The following DNM3 variants were observed in gnomAD, a reference collection of about 807,000 sequenced individuals.
The protein encoded by DNM3 is dynamin 3, also known as dynamin-3.
In DNM3, 47 loss-of-function variants were observed where a neutral mutation model predicts 101.6. The ratio of observed to expected loss-of-function variants is 0.46; its 90% CI spans 0.37 to 0.59. The LOEUF (loss-of-function observed/expected upper bound fraction) is 0.59, where lower values mean the gene tolerates loss of function less well. Ranked by LOEUF, DNM3 falls within the 20% of genes least tolerant of loss-of-function variation. The pLI is 0.00. For synonymous variants in DNM3, 385 were observed against 387.9 expected, an observed-to-expected ratio of 0.99 and a Z score of 0.09; for missense variants, 849 against 1,085.7, an observed-to-expected ratio of 0.78 and a Z score of 3.06.
intron 20 of DNM3, among the ~76,000 whole-genome samples, chr1:172,398,100 T>C (rs1490734676): frequency 6.6e-6 from 1 of 152,242 alleles, no homozygotes; most frequent in Non-Finnish European, 1.5e-5. Context: ...TAAAATGCAT[T>C]TTAAGGTGAA....
intron 17 of DNM3, among the ~76,000 whole-genome samples, chr1:172,365,923 A>G (rs1228516274): frequency 2.0e-5 from 3 of 151,962 alleles, no homozygotes; most frequent in East Asian, 1.9e-4. Flanking sequence ...TCAACCTTCA[A>G]TAGATATACA....
At chr1:172,092,946 T>C in intron 13 of DNM3, 71 bp downstream of exon 13, 1 of 1,360,942 alleles carries the variant, frequency 7.3e-7, no homozygotes, top group Non-Finnish European at 1.0e-6. Context: ...TGATTGACTA[T>C]TTTTTTAATG....
intron 14 of DNM3, among the ~76,000 whole-genome samples, chr1:172,155,614 G>T (rs2058307602): frequency 6.6e-6 from 1 of 151,926 alleles, no homozygotes; most frequent in Admixed American, 6.6e-5. Context: ...CCATTTTTCA[G>T]GTGAGATGTA....
chr1:171,957,546 T>A (rs1178542439), intron 2 of DNM3, among the ~76,000 whole-genome samples: 1 of 152,144 alleles, frequency 6.6e-6, no homozygotes, highest in Non-Finnish European at 1.5e-5. Flanking sequence ...TTTTCCAAAC[T>A]TTTATGCTCT....
At chr1:172,341,702 C>G (rs2066693651) in intron 17 of DNM3, among the ~76,000 whole-genome samples, 1 of 151,956 alleles carries the variant, frequency 6.6e-6, no homozygotes, top group Non-Finnish European at 1.5e-5. Flanking sequence ...AAATTGGGCC[C>G]CTTCTTTCAC....
intron 18 of DNM3, among the ~76,000 whole-genome samples, chr1:172,386,319 T>TA (rs957105552): frequency 2.0e-5 from 3 of 152,216 alleles, no homozygotes; most frequent in Admixed American, 6.5e-5. Context: ...ACTGGTGTCT[T>TA]AGAGTTGATG....
downstream of DNM3, among the ~76,000 whole-genome samples, chr1:172,415,732 ATT>A (rs2071406596): frequency 6.6e-6 from 1 of 151,798 alleles, no homozygotes; most frequent in African/African-American, 2.4e-5. Flanking sequence ...ATTTCACCAC[ATT>A]GGCCAGGCTG....
At chr1:172,002,892 G>T (rs2046440190) in intron 4 of DNM3, among the ~76,000 whole-genome samples, 1 of 151,932 alleles carries the variant, frequency 6.6e-6, no homozygotes, top group Non-Finnish European at 1.5e-5. Context: ...AATGTAAAAG[G>T]CCTCAACGTG....
At chr1:171,992,772 C>A (rs1050007588) in intron 4 of DNM3, among the ~76,000 whole-genome samples, 4 of 151,686 alleles carry the variant, frequency 2.6e-5, no homozygotes, top group Non-Finnish European at 5.9e-5. Flanking sequence ...TTGTGTATGT[C>A]CTATGTCTTT....
intron 4 of DNM3, among the ~76,000 whole-genome samples, chr1:172,031,375 G>T (rs996483298): frequency 6.6e-6 from 1 of 152,166 alleles, no homozygotes; most frequent in Admixed American, 6.5e-5. Flanking sequence ...ACAGGGAGGG[G>T]AACAACACAC....
At chr1:171,995,357 G>A (rs544642296) in intron 4 of DNM3, among the ~76,000 whole-genome samples, 12 of 151,676 alleles carry the variant, frequency 7.9e-5, no homozygotes, top group African/African-American at 2.9e-4. Context: ...CACCCACCTC[G>A]ACCTCCCAAA....
chr1:172,233,296 T>C (rs1031671000), intron 14 of DNM3, among the ~76,000 whole-genome samples: 1 of 151,986 alleles, frequency 6.6e-6, no homozygotes, highest in African/African-American at 2.4e-5. Context: ...CTAGAAGAAA[T>C]GGATAAATTC....
At chr1:171,856,499 C>A (rs2033625407) in intron 1 of DNM3, among the ~76,000 whole-genome samples, 1 of 152,130 alleles carries the variant, frequency 6.6e-6, no homozygotes, top group Non-Finnish European at 1.5e-5. Flanking sequence ...TTCTTCCTAT[C>A]CATAAGCATG....
At chr1:172,342,164 T>C (rs2066719459) in intron 17 of DNM3, among the ~76,000 whole-genome samples, 2 of 152,224 alleles carry the variant, frequency 1.3e-5, no homozygotes, top group Admixed American at 1.3e-4. Flanking sequence ...ATGGTGGGAA[T>C]GTAAATTAGT....
At chr1:172,357,340 C>A (rs930493021) in intron 17 of DNM3, among the ~76,000 whole-genome samples, 23 of 151,928 alleles carry the variant, frequency 1.5e-4, no homozygotes, top group Non-Finnish European at 3.2e-4. Flanking sequence ...TGGAAGACAC[C>A]ATCTTAACCA....
At chr1:172,107,940 G>A (rs530771449) in intron 13 of DNM3, among the ~76,000 whole-genome samples, 19 of 152,116 alleles carry the variant, frequency 1.2e-4, no homozygotes, top group African/African-American at 4.3e-4. Context: ...ATTTCAAGGA[G>A]TCCTGTATTA....
intron 4 of DNM3, among the ~76,000 whole-genome samples, chr1:172,022,330 T>A (rs2125755457): frequency 6.6e-6 from 1 of 152,320 alleles, no homozygotes; most frequent in South Asian, 2.1e-4. Context: ...ATGATGACTT[T>A]AAAATCCTTT....
rs1157241315 is a variant in DNM3, at chr1:172,163,915, GTA to G, written c.1659+32633_1659+32634del. On this transcript the variant is annotated intron_variant, in intron 14 of 20. Coordinates refer to ENST00000627582, the MANE Select transcript of DNM3 (RefSeq NM_015569.5). ...TGTATATATGCACATGTGTATATAT[GTA>G]TATATGCATGTGCATATATACACAT... Among the ~76,000 whole-genome samples, 5 of 149,940 alleles carry G rather than the reference GTA, an allele frequency of 3.3e-5. No individual in the cohort carries two copies. The East Asian group carries it at 9.9e-4, about 30-fold the overall frequency.
intron 14 of DNM3, 78 bp from the exon 15 acceptor site, chr1:172,253,495 C>A: frequency 1.5e-5 from 1 of 67,694 alleles, no homozygotes. Context: ...TCTGTCTCTC[C>A]TCTCCTCTCC....
Sources: allele counts gnomAD v4.1 joint callset (sites outside exome capture counted in the v4.1 genomes callset), GRCh38; gene constraint gnomAD v4.1.1; transcripts MANE v1.5; gene names NCBI Gene and HGNC (gene_info 2026-07-23, HGNC 2026-07-21).